The following GMDS variants were observed in gnomAD, a reference collection of about 807,000 sequenced individuals.
GMDS encodes GDP-mannose 4,6-dehydratase.
Under a neutral mutation model 49.9 loss-of-function variants are expected in GMDS, and 20 were observed. That is an observed-to-expected ratio of 0.40 (90% CI 0.28 to 0.58). GMDS has a LOEUF of 0.58. Among genes scored for constraint, GMDS ranks in the 20% least tolerant of loss-of-function variants. The probability of loss-of-function intolerance (pLI) is 0.42; values close to 1 mark genes in which losing one functional copy is unlikely to be tolerated. For synonymous variants in GMDS, 177 were observed against 178.6 expected (o/e 0.99, Z 0.07); for missense variants, 362 against 481.4 (o/e 0.75, Z 2.32).
intron 9 of GMDS, 188 bp from the exon 10 acceptor site, chr6:1,624,728 T>C: frequency 6.7e-6 from 4 of 598,828 alleles, no homozygotes; most frequent in Non-Finnish European, 1.2e-5. Context: ...AGGTCGCGGT[T>C]AAGAATGTGC....
At chr6:1,846,429 A>C (rs1203638504) in intron 7 of GMDS, among the ~76,000 whole-genome samples, 1 of 152,114 alleles carries the variant, frequency 6.6e-6, no homozygotes, top group Non-Finnish European at 1.5e-5. Flanking sequence ...TCTCTCTAAA[A>C]TTCTCAATAT....
intron 9 of GMDS, among the ~76,000 whole-genome samples, chr6:1,721,448 T>C (rs1345543188): frequency 6.6e-6 from 1 of 151,392 alleles, no homozygotes; most frequent in Non-Finnish European, 1.5e-5. Flanking sequence ...AAAAGAAAAA[T>C]GAATGTTAAA....
At chr6:1,636,007 C>T (rs1384595808) in intron 9 of GMDS, among the ~76,000 whole-genome samples, 1 of 152,172 alleles carries the variant, frequency 6.6e-6, no homozygotes, top group Admixed American at 6.5e-5. Flanking sequence ...GGCAGCCCTC[C>T]TCATCACAAA....
chr6:1,905,861 C>T (rs141770187), intron 7 of GMDS, among the ~76,000 whole-genome samples: 6,635 of 131,254 alleles, frequency 0.051, 1,310 homozygotes, highest in Admixed American at 0.15. Flanking sequence ...CAGCACATAG[C>T]TGTGGGTGCT....
chr6:2,039,054 T>C (rs1769484946), intron 4 of GMDS, among the ~76,000 whole-genome samples: 1 of 152,204 alleles, frequency 6.6e-6, no homozygotes, highest in South Asian at 2.1e-4. Flanking sequence ...CAGCCTACTA[T>C]ACGCCTAGGC....
intron 6 of GMDS, among the ~76,000 whole-genome samples, chr6:1,944,174 G>A (rs1400591702): frequency 1.3e-5 from 2 of 152,266 alleles, no homozygotes; most frequent in South Asian, 2.1e-4. Context: ...ACTCGGAAGT[G>A]TAGTGACATT....
At chr6:2,060,934 C>A (rs201712252) in intron 4 of GMDS, among the ~76,000 whole-genome samples, 2 of 151,796 alleles carry the variant, frequency 1.3e-5, no homozygotes, top group Non-Finnish European at 2.9e-5. Context: ...GCAGGAGAAT[C>A]GCTTGAACCT....
Position 1,766,255 on chromosome 6 carries a change from T to C in GMDS, c.772-23669A>G, listed in dbSNP as rs958729882. On this transcript the variant is annotated intron_variant, in intron 7 of 10. Coordinates refer to ENST00000380815, the MANE Select transcript of GMDS (RefSeq NM_001500.4). This position sits in a 1 kb window ranked among gnomAD's most constrained non-coding sequence, Gnocchi z 4.5. ...GTTAGCTAATTTAAGCTGATGTGCATTGAGTCACTGGAAATTGGACAGGAG... is the reference window on the plus strand; with the variant it reads ...GTTAGCTAATTTAAGCTGATGTGCACTGAGTCACTGGAAATTGGACAGGAG... Among the ~76,000 whole-genome samples, 20 of 152,184 alleles carry C rather than the reference T, an allele frequency of 1.3e-4. No homozygotes were observed. Among genetic ancestry groups the C allele is most frequent in the African/African-American group, 4.1e-4 (17 of 41,448 alleles).
intron 7 of GMDS, among the ~76,000 whole-genome samples, chr6:1,853,467 G>C (rs1451734773): frequency 1.4e-5 from 2 of 141,096 alleles, no homozygotes; most frequent in African/African-American, 2.8e-5. Context: ...GCAGTGAGCT[G>C]AGATCGCGCC....
chr6:1,755,815 A>C (rs2143402), intron 7 of GMDS, among the ~76,000 whole-genome samples: 63,182 of 152,066 alleles, frequency 0.42, 13,687 homozygotes, highest in East Asian at 0.6. Context: ...CCCTAGAAGA[A>C]AACCTAGGCA....
intron 1 of GMDS, among the ~76,000 whole-genome samples, chr6:2,172,279 G>C (rs369336734): frequency 6.6e-6 from 1 of 152,080 alleles, no homozygotes; most frequent in African/African-American, 2.4e-5. Flanking sequence ...TAAAAGGAGA[G>C]AGTGACAATA....
At chr6:2,223,610 G>A (rs181735405) in intron 1 of GMDS, among the ~76,000 whole-genome samples, 222 of 152,292 alleles carry the variant, frequency 1.5e-3, no homozygotes, top group African/African-American at 5.2e-3. Flanking sequence ...AAATCAGCAG[G>A]ACCTGCTGGT....
chr6:1,730,628 G>A (rs113437193), intron 8 of GMDS, among the ~76,000 whole-genome samples: 3 of 152,082 alleles, frequency 2.0e-5, no homozygotes, highest in Non-Finnish European at 4.4e-5. Context: ...TTGTATGCAC[G>A]ATGAATACTG....
chr6:1,864,181 C>A (rs1758333805), intron 7 of GMDS, among the ~76,000 whole-genome samples: 1 of 152,104 alleles, frequency 6.6e-6, no homozygotes, highest in Non-Finnish European at 1.5e-5. Flanking sequence ...ATTAGCATTA[C>A]TACATAAAAT....
At chr6:2,051,500 A>G (rs558066363) in intron 4 of GMDS, among the ~76,000 whole-genome samples, 72 of 152,296 alleles carry the variant, frequency 4.7e-4, no homozygotes, top group Admixed American at 4.5e-3. Flanking sequence ...AATAAACTCA[A>G]TTGGCTAATA....
At chr6:2,209,956 G>A (rs1003711130) in intron 1 of GMDS, among the ~76,000 whole-genome samples, 9 of 152,124 alleles carry the variant, frequency 5.9e-5, no homozygotes, top group Non-Finnish European at 8.8e-5. Context: ...GAAATGATCC[G>A]TAAACAAGAC....
In GMDS at chr6:2,227,032, A is replaced by G. The variant is rs376550209; in HGVS notation, c.102+18289T>C. On this transcript the variant is annotated intron_variant, in intron 1 of 10. Transcript: ENST00000380815. ...AGTTAGTCAAAACAATGAAGAAAAG[A>G]TAATGCAGGCAGTAATTACTTCTGA... is the stretch of plus-strand genomic sequence containing the variant. 1.6e-4 allele frequency among the ~76,000 whole-genome samples: 24 copies of G among 152,332 alleles called. No homozygotes were observed. The East Asian group carries it at 3.1e-3, about 20-fold the overall frequency.
At chr6:1,851,161 C>T (rs1323215660) in intron 7 of GMDS, among the ~76,000 whole-genome samples, 2 of 152,144 alleles carry the variant, frequency 1.3e-5, no homozygotes, top group East Asian at 3.9e-4. Flanking sequence ...CTTTCTTACA[C>T]ATTAGATAAA....
At chr6:2,077,560 T>A (rs1772417996) in intron 4 of GMDS, among the ~76,000 whole-genome samples, 1 of 152,184 alleles carries the variant, frequency 6.6e-6, no homozygotes, top group African/African-American at 2.4e-5. Flanking sequence ...TTATCATTCA[T>A]TCTGCTTACG....
Sources: allele counts gnomAD v4.1 joint callset (sites outside exome capture counted in the v4.1 genomes callset), GRCh38; gene constraint gnomAD v4.1.1; non-coding constraint Gnocchi (gnomAD v3.1); transcripts MANE v1.5; gene names NCBI Gene and HGNC (gene_info 2026-07-23, HGNC 2026-07-21).